Variants in SERGEF observed in about 807,000 individuals in gnomAD.
SERGEF encodes the protein secretion regulating guanine nucleotide exchange factor.
SERGEF carries 51 observed loss-of-function variants against 50.0 expected under a neutral mutation model. The observed-to-expected ratio is 1.02, with a 90% CI of 0.81 to 1.29. SERGEF has a LOEUF of 1.29. SERGEF is among the 50% of genes most tolerant of loss of function. The pLI is 0.00. For synonymous variants in SERGEF, 205 were observed against 212.4 expected (o/e 0.97, Z 0.30); for missense variants, 521 against 557.0 (o/e 0.94, Z 0.65).
intron 9 of SERGEF, among the ~76,000 whole-genome samples, chr11:17,945,462 T>C (rs1364557970): frequency 6.6e-6 from 1 of 152,242 alleles, no homozygotes; most frequent in Non-Finnish European, 1.5e-5. Flanking sequence ...AATTAAAAAT[T>C]CAGTCAGTCG....
chr11:17,869,578 A>C lies in SERGEF; in HGVS notation c.1048+8630T>G, dbSNP rs1442370120. Among the ~76,000 whole-genome samples, 5 of 152,196 alleles carry C rather than the reference A, an allele frequency of 3.3e-5. 1 individual carries two copies. Among genetic ancestry groups the C allele is most frequent in the African/African-American group, 4.8e-5 (2 of 41,444 alleles). ...CACCTTTTAAATGTCCTCACATGGC[A>C]AAAGGGGTGAACAAGCTCCCTTGGA... is the stretch of plus-strand genomic sequence containing the variant. On this transcript the variant is annotated intron_variant, in intron 10 of 10. Transcript: ENST00000265965.
At chr11:17,859,762 A>G (rs988011689) in intron 10 of SERGEF, among the ~76,000 whole-genome samples, 2 of 152,242 alleles carry the variant, frequency 1.3e-5, no homozygotes, top group African/African-American at 4.8e-5. Flanking sequence ...ATTAGATGCT[A>G]GAGGACAATG....
intron 10 of SERGEF, among the ~76,000 whole-genome samples, chr11:17,814,463 G>A (rs1849929027): frequency 6.6e-6 from 1 of 152,122 alleles, no homozygotes; most frequent in African/African-American, 2.4e-5. Context: ...CAAATCAATG[G>A]CACTCTCTCT....
rs191163113 is a variant in SERGEF, at chr11:17,936,822, G to A, written c.1011+22648C>T. The stretch of plus-strand genomic sequence containing the variant: ...ATCTGCCCCTATACTGGTGATGAGC[G>A]TAGGGATCAAGGATGAGAATGTGAA... On this transcript the variant is annotated intron_variant, in intron 9 of 10. Transcript: ENST00000265965. Among the ~76,000 whole-genome samples the A allele has an allele frequency of 5.4e-4, 82 of 152,324 alleles. 1 individual carries two copies. Among genetic ancestry groups the A allele is most frequent in the Non-Finnish European group, 1.1e-3 (77 of 68,032 alleles).
intron 10 of SERGEF, among the ~76,000 whole-genome samples, chr11:17,844,544 A>G (rs1269447989): frequency 1.3e-5 from 2 of 152,236 alleles, no homozygotes; most frequent in East Asian, 3.8e-4. Flanking sequence ...TGGTTCCCAG[A>G]CTGTGATGGA....
chr11:17,794,291 T>G (rs1228221645), intron 10 of SERGEF, among the ~76,000 whole-genome samples: 1 of 152,218 alleles, frequency 6.6e-6, no homozygotes, highest in Admixed American at 6.5e-5. Flanking sequence ...TTGCATCCTG[T>G]CACTGGGAAT....
intron 10 of SERGEF, among the ~76,000 whole-genome samples, chr11:17,836,434 T>C (rs1160191623): frequency 3.9e-5 from 6 of 152,192 alleles, no homozygotes; most frequent in African/African-American, 1.4e-4. Context: ...TGAGGCTGCA[T>C]CCAGACTCAG....
rs1187053729 is a variant in SERGEF at position 17,879,210 on chromosome 11, G to GCTC, written c.1012-967_1012-966insGAG. On this transcript the variant is annotated intron_variant, in intron 9 of 10. Transcript: ENST00000265965. ...TGAATCCAGAGTTTCCAACCAGTGG[G>GCTC]AGATACTTCTTGCCCTTCAGTCTCC... Among the ~76,000 whole-genome samples the GCTC allele has an allele frequency of 3.1e-3, 468 of 152,332 alleles. 3 individuals are homozygous for GCTC. The highest frequency in any genetic ancestry group is 0.011 in the African/African-American group (453 of 41,568).
At chr11:17,817,634 C>A (rs1850003775) in intron 10 of SERGEF, among the ~76,000 whole-genome samples, 2 of 152,192 alleles carry the variant, frequency 1.3e-5, no homozygotes, top group African/African-American at 4.8e-5. Context: ...ATCAATATAA[C>A]AAAGCTAGTA....
At chr11:17,990,110 T>G (rs970293874) in intron 7 of SERGEF, among the ~76,000 whole-genome samples, 1 of 152,206 alleles carries the variant, frequency 6.6e-6, no homozygotes, top group Non-Finnish European at 1.5e-5. Context: ...CCAATAAAAC[T>G]TGATAGTATT....
intron 10 of SERGEF, among the ~76,000 whole-genome samples, chr11:17,818,855 C>T (rs1196032026): frequency 6.6e-6 from 1 of 152,250 alleles, no homozygotes; most frequent in African/African-American, 2.4e-5. Flanking sequence ...CCACCTCCCA[C>T]CAAAACTGAA....
intron 9 of SERGEF, among the ~76,000 whole-genome samples, chr11:17,897,543 A>C (rs1373597224): frequency 1.3e-5 from 2 of 152,262 alleles, no homozygotes; most frequent in Admixed American, 6.5e-5. Context: ...AATACCACTA[A>C]TCAATACAAA....
intron 10 of SERGEF, among the ~76,000 whole-genome samples, chr11:17,821,632 C>T (rs1850085843): frequency 6.6e-6 from 1 of 152,166 alleles, no homozygotes; most frequent in Non-Finnish European, 1.5e-5. Flanking sequence ...TTACAAACAC[C>T]TATAAAATTA....
At chr11:17,874,608 T>G (rs1851208568) in intron 10 of SERGEF, among the ~76,000 whole-genome samples, 1 of 152,240 alleles carries the variant, frequency 6.6e-6, no homozygotes, top group African/African-American at 2.4e-5. Context: ...AATTTCCATC[T>G]TCTCAAGAAA....
Position 17,959,581 on chromosome 11 carries a change from C to A in SERGEF, c.900G>T (p.Lys300Asn), listed in dbSNP as rs199710772. Residue 300 changes from lysine to asparagine, a missense_variant, in exon 9 of 11, where the codon AAG becomes AAT. Lys to Asn is a moderately conservative substitution (Grantham distance 94). Transcript: ENST00000265965. Reference protein sequence around the residue: ...GRADYGQLGRKLETYEGWKLE... With the variant: ...GRADYGQLGRNLETYEGWKLE... ...GTTTCCAGCCTTCATAAGTCTCCAACTTCCTCCCTAGCTGACCATAGTCTG... is the reference window on the plus strand; with the variant it reads ...GTTTCCAGCCTTCATAAGTCTCCAAATTCCTCCCTAGCTGACCATAGTCTG... 6.2e-7 allele frequency: 1 copy of A among 1,614,176 alleles called. No individual in the cohort carries two copies. Among genetic ancestry groups the A allele is most frequent in the Admixed American group, 1.7e-5 (1 of 60,030 alleles).
At chr11:17,913,582 G>A (rs1203563611) in intron 9 of SERGEF, among the ~76,000 whole-genome samples, 1 of 152,184 alleles carries the variant, frequency 6.6e-6, no homozygotes, top group African/African-American at 2.4e-5. Flanking sequence ...AGTTCTGCCT[G>A]TAGAAATGCT....
chr11:17,912,446 A>G (rs530854733), intron 9 of SERGEF, among the ~76,000 whole-genome samples: 47 of 152,356 alleles, frequency 3.1e-4, no homozygotes, highest in African/African-American at 1.1e-3. Flanking sequence ...CGACAGTTAC[A>G]TAAGATTCTA....
chr11:17,923,366 G>A (rs1852192246), intron 9 of SERGEF, among the ~76,000 whole-genome samples: 1 of 152,218 alleles, frequency 6.6e-6, no homozygotes, highest in Non-Finnish European at 1.5e-5. Context: ...CGGTGCCAGA[G>A]GGCCCAATCC....
chr11:17,994,136 T>G (rs1469748209), intron 6 of SERGEF, among the ~76,000 whole-genome samples: 1 of 152,144 alleles, frequency 6.6e-6, no homozygotes, highest in African/African-American at 2.4e-5. Context: ...AATAACAGTA[T>G]ACTGTGCTAT....
Sources: allele counts gnomAD v4.1 joint callset (sites outside exome capture counted in the v4.1 genomes callset), GRCh38; gene constraint gnomAD v4.1.1; transcripts MANE v1.5; gene names NCBI Gene and HGNC (gene_info 2026-07-23, HGNC 2026-07-21).